The following NNMT variants were observed in gnomAD, a reference collection of about 807,000 sequenced individuals.
The protein encoded by NNMT is nicotinamide N-methyltransferase.
A neutral mutation model predicts 11.7 loss-of-function variants in NNMT; 10 were observed. The ratio of observed to expected loss-of-function variants is 0.85; its 90% CI spans 0.53 to 1.45. NNMT has a LOEUF of 1.45. NNMT is among the 40% of genes most tolerant of loss of function. The probability of loss-of-function intolerance (pLI) is 0.00; values close to 1 mark genes in which losing one functional copy is unlikely to be tolerated. For synonymous variants in NNMT, 143 were observed against 133.8 expected, an observed-to-expected ratio of 1.07 and a Z score of -0.48; for missense variants, 381 against 319.4, an observed-to-expected ratio of 1.19 and a Z score of -1.47.
At chr11:114,263,682 C>T (rs1945100574) in intron 2 of NNMT, among the ~76,000 whole-genome samples, 1 of 152,188 alleles carries the variant, frequency 6.6e-6, no homozygotes, top group Admixed American at 6.5e-5. Context: ...AATTAAGTCC[C>T]CCTTTAAAAG....
rs1023041972 is a variant in NNMT at position 114,313,500 on chromosome 11, T to TAAATA, written c.*1036_*1040dup. Among the ~76,000 whole-genome samples the TAAATA allele has an allele frequency of 6.6e-6, 1 of 151,970 alleles. No individual in the cohort carries two copies. The highest frequency in any genetic ancestry group is 1.5e-5 in the Non-Finnish European group (1 of 67,988). On this transcript the variant is annotated 3_prime_UTR_variant, in exon 3 of 3. Coordinates refer to ENST00000299964, the MANE Select transcript of NNMT (RefSeq NM_006169.3). Reference sequence around the variant, plus strand: ...AAAAAGTAAAATAATAAATAAATAATAAATAAAATAAAATAAAGTGAATTG... The same window carrying TAAATA: ...AAAAAGTAAAATAATAAATAAATAATAAATAAAATAAAATAAAATAAAGTGAATTG...
intron 2 of NNMT, among the ~76,000 whole-genome samples, chr11:114,268,801 C>G (rs923145497): frequency 6.7e-6 from 1 of 149,058 alleles, no homozygotes; most frequent in African/African-American, 2.5e-5. Flanking sequence ...ACTGAAACAG[C>G]TGGTTCCCTG....
At position 114,259,520 on chromosome 11, in the gene NNMT, TG is replaced by T. The variant is rs1365680496; in HGVS notation, c.-217+1648del. Among the ~76,000 whole-genome samples the T allele has an allele frequency of 7.2e-5, 11 of 152,166 alleles. 1 individual carries two copies. Among genetic ancestry groups the T allele is most frequent in the African/African-American group, 2.2e-4 (9 of 41,514 alleles). On this transcript the variant is annotated intron_variant, in intron 1 of 4. Transcript: ENST00000535401. ...GCAGGATGCGGGGCAGGAGAGGGGC[TG>T]GGGGGTTGCATATGTAGACACCTGG...
At position 114,312,815 on chromosome 11, in the gene NNMT, TA is replaced by T. The variant is rs1441563114; in HGVS notation, c.*339del. 8.3e-6 allele frequency: 2 copies of T among 241,230 alleles called. No homozygotes were observed. The highest frequency in any genetic ancestry group is 9.8e-5 in the Admixed American group (2 of 20,392). 14.9% of individuals were successfully genotyped at this position (241,230 alleles called of 1,614,324 possible). ...AGAAGTGTCTGCAGTTACTCACTAT[TA>T]GTTTCCTAAGGGGGCACTGCTGGCT... On this transcript the variant is annotated 3_prime_UTR_variant, in exon 3 of 3. Transcript: ENST00000299964.
intron 2 of NNMT, among the ~76,000 whole-genome samples, chr11:114,268,551 A>G (rs1945141493): frequency 6.6e-6 from 1 of 152,092 alleles, no homozygotes; most frequent in Non-Finnish European, 1.5e-5. Context: ...TGGGCGGATC[A>G]CGAGGTCAGG....
rs368052052 is a variant in NNMT at position 114,300,952 on chromosome 11, A to G, written c.362+2794A>G. Among the ~76,000 whole-genome samples, 13 of 152,308 alleles carry G rather than the reference A, an allele frequency of 8.5e-5. No individual in the cohort carries two copies. In the South Asian group the frequency reaches 2.3e-3, roughly 27 times the overall value. ...TTTGTGTAATCCCCTTCCCTAGAAT[A>G]TCCACTGGATTTAGTGATTCAGTAC... On this transcript the variant is annotated intron_variant, in intron 2 of 2. Coordinates refer to ENST00000299964, the MANE Select transcript of NNMT (RefSeq NM_006169.3).
intron 2 of NNMT, among the ~76,000 whole-genome samples, chr11:114,269,966 G>A (rs1945157183): frequency 1.3e-5 from 2 of 151,986 alleles, no homozygotes; most frequent in Non-Finnish European, 2.9e-5. Flanking sequence ...AGATTCTTAT[G>A]TGTAGAGTTT....
At chr11:114,258,101 C>T (rs1297364500) in intron 1 of NNMT, among the ~76,000 whole-genome samples, 1 of 152,204 alleles carries the variant, frequency 6.6e-6, no homozygotes, top group Non-Finnish European at 1.5e-5. Context: ...CTGCCCTCTG[C>T]CCCAACCCTG....
In NNMT at chr11:114,281,798, C is replaced by T. The variant is rs1313066055; in HGVS notation, c.-129-14630C>T. Among the ~76,000 whole-genome samples, 6 of 152,210 alleles carry T rather than the reference C, an allele frequency of 3.9e-5. No individual in the cohort carries two copies. In the East Asian group the frequency reaches 5.8e-4, roughly 15 times the overall value. On this transcript the variant is annotated intron_variant, in intron 2 of 4. Transcript: ENST00000535401. ...CTGAGTTTTTCTAGGCTAGGGACTA[C>T]AGGATTAGGGGAAATTGGATGCCAA...
intron 1 of NNMT, among the ~76,000 whole-genome samples, chr11:114,260,556 C>T (rs547622289): frequency 1.8e-4 from 28 of 152,336 alleles, no homozygotes; most frequent in South Asian, 1.0e-3. Context: ...AGGCCCGCTC[C>T]GGGCTCCGGT....
At chr11:114,297,880 A>G in intron 1 of NNMT, 71 bp from the exon 2 acceptor site, 1 of 1,254,540 alleles carries the variant, frequency 8.0e-7, no homozygotes, top group Non-Finnish European at 1.2e-6. Flanking sequence ...CAGGGAAGAC[A>G]ATGTAAATTT....
chr11:114,290,930 G>A (rs1945329696), intron 2 of NNMT, among the ~76,000 whole-genome samples: 1 of 152,178 alleles, frequency 6.6e-6, no homozygotes, highest in Admixed American at 6.5e-5. Context: ...AGCTGTTAGT[G>A]TAACTATCAC....
In NNMT at chr11:114,285,075, C is replaced by T. The variant is rs545736295; in HGVS notation, c.-129-11353C>T. ...GCCTGGCCCCAACATGTCTTTTCTCCCATCACGCTTCTTCTTCCTTTAGCC... is the reference window on the plus strand; with the variant it reads ...GCCTGGCCCCAACATGTCTTTTCTCTCATCACGCTTCTTCTTCCTTTAGCC... On this transcript the variant is annotated intron_variant, in intron 2 of 4. Transcript: ENST00000535401. Among the ~76,000 whole-genome samples, 5 of 152,142 alleles carry T rather than the reference C, an allele frequency of 3.3e-5. No homozygotes were observed. In the East Asian group the frequency reaches 5.8e-4, roughly 18 times the overall value.
intron 2 of NNMT, among the ~76,000 whole-genome samples, chr11:114,299,251 A>G (rs1241251458): frequency 2.6e-5 from 4 of 152,212 alleles, no homozygotes; most frequent in African/African-American, 9.6e-5. Context: ...AAGTATATTA[A>G]CTATTGGTTT....
chr11:114,272,313 A>G (rs1444540608), intron 2 of NNMT, among the ~76,000 whole-genome samples: 1 of 152,200 alleles, frequency 6.6e-6, no homozygotes, highest in Non-Finnish European at 1.5e-5. Context: ...CAGTGACATG[A>G]TTAAGTCAGA....
intron 1 of NNMT, among the ~76,000 whole-genome samples, chr11:114,260,725 G>C (rs973425337): frequency 2.2e-4 from 33 of 152,180 alleles, no homozygotes; most frequent in Non-Finnish European, 5.9e-5. Context: ...GCCCCATCAG[G>C]GTGCAGCATA....
intron 2 of NNMT, among the ~76,000 whole-genome samples, chr11:114,283,216 A>G (rs1945274510): frequency 6.6e-6 from 1 of 152,212 alleles, no homozygotes; most frequent in Non-Finnish European, 1.5e-5. Flanking sequence ...TATGAAGGAG[A>G]CATGGATGTC....
chr11:114,286,627 C>A (rs1380406598), intron 2 of NNMT, among the ~76,000 whole-genome samples: 4 of 152,228 alleles, frequency 2.6e-5, no homozygotes, highest in Admixed American at 2.6e-4. Flanking sequence ...ATCATCCATG[C>A]TGATGCTTGT....
intron 2 of NNMT, among the ~76,000 whole-genome samples, chr11:114,289,361 C>T (rs1591833127): frequency 6.6e-6 from 1 of 152,060 alleles, no homozygotes; most frequent in African/African-American, 2.4e-5. Flanking sequence ...GTTGATTCTC[C>T]CATTAATTCT....
Sources: allele counts gnomAD v4.1 joint callset (sites outside exome capture counted in the v4.1 genomes callset), GRCh38; gene constraint gnomAD v4.1.1; transcripts MANE v1.5; gene names NCBI Gene and HGNC (gene_info 2026-07-23, HGNC 2026-07-21).